MYLK3: variants seen among roughly 807,000 people sequenced by gnomAD.
MYLK3 encodes the protein MLC kinase.
In MYLK3, 55 loss-of-function variants were observed where a neutral mutation model predicts 76.3. The ratio of observed to expected loss-of-function variants is 0.72; its 90% confidence interval spans 0.58 to 0.90. The LOEUF (loss-of-function observed/expected upper bound fraction) is 0.90, where lower values mean the gene tolerates loss of function less well. MYLK3 is among the 40% of genes least tolerant of loss of function. The pLI is 0.00. For synonymous variants in MYLK3, 416 were observed against 425.4 expected (o/e 0.98, Z 0.27); for missense variants, 973 against 1,053.6 (o/e 0.92, Z 1.06).
chr16:46,747,068 G>A (rs1967039088), intron 1 of MYLK3, among the ~76,000 whole-genome samples: 1 of 152,120 alleles, frequency 6.6e-6, no homozygotes, highest in African/African-American at 2.4e-5. Context: ...CCCCAAACAG[G>A]GTGTTCCCTC....
At chr16:46,718,694 G>A (rs1168263759) in intron 9 of MYLK3, among the ~76,000 whole-genome samples, 1 of 152,228 alleles carries the variant, frequency 6.6e-6, no homozygotes, top group East Asian at 1.9e-4. Flanking sequence ...GGCCAGGCGT[G>A]GTGGCTCACG....
At chr16:46,729,344 C>A (rs1966848031) in intron 6 of MYLK3, among the ~76,000 whole-genome samples, 1 of 152,158 alleles carries the variant, frequency 6.6e-6, no homozygotes, top group Non-Finnish European at 1.5e-5. Context: ...ACCTAAGGCC[C>A]AACAAGGACA....
intron 2 of MYLK3, among the ~76,000 whole-genome samples, chr16:46,738,425 AT>A (rs1966884106): frequency 2.6e-5 from 4 of 152,212 alleles, no homozygotes; most frequent in Non-Finnish European, 1.5e-5. Flanking sequence ...TGAGTTGGGC[AT>A]GGTCACATGT....
At chr16:46,758,850 G>A (rs1428312002) in intron 1 of MYLK3, among the ~76,000 whole-genome samples, 6 of 152,142 alleles carry the variant, frequency 3.9e-5, no homozygotes, top group South Asian at 2.1e-4. Context: ...ATATAGGCTC[G>A]GCTCTGACGG....
chr16:46,738,215 T>A, intron 2 of MYLK3, 72 bp from the exon 3 acceptor site: 1 of 1,317,774 alleles, frequency 7.6e-7, no homozygotes, highest in East Asian at 2.5e-5. Flanking sequence ...CTGCAAGGAA[T>A]CTGCACAAGG....
chr16:46,757,773 C>A (rs1967219455), intron 1 of MYLK3, among the ~76,000 whole-genome samples: 1 of 152,182 alleles, frequency 6.6e-6, no homozygotes, highest in Non-Finnish European at 1.5e-5. Context: ...CATCACTTAG[C>A]AAAGTGTCCA....
chr16:46,742,790 T>C (rs1966955067), intron 1 of MYLK3, among the ~76,000 whole-genome samples: 2 of 152,218 alleles, frequency 1.3e-5, no homozygotes, highest in South Asian at 2.1e-4. Flanking sequence ...GCTGTCACCA[T>C]GATCACCAGC....
upstream of MYLK3, among the ~76,000 whole-genome samples, chr16:46,751,301 C>T (rs773394508): frequency 2.6e-5 from 4 of 151,906 alleles, no homozygotes; most frequent in Non-Finnish European, 5.9e-5. Context: ...ATCCCAGTTA[C>T]TCAGGAGGCT....
At chr16:46,735,152 A>C (rs2143015450) in intron 3 of MYLK3, among the ~76,000 whole-genome samples, 1 of 151,590 alleles carries the variant, frequency 6.6e-6, no homozygotes, top group East Asian at 1.9e-4. Flanking sequence ...AAAAAAAAAA[A>C]GGAGGGGGGC....
chr16:46,727,120 G>T, intron 8 of MYLK3, 116 bp downstream of exon 8: 1 of 1,227,750 alleles, frequency 8.1e-7, no homozygotes, highest in Non-Finnish European at 1.1e-6. Context: ...ACTACAAAAT[G>T]ACAGAGAGCC....
At chr16:46,722,576 T>C (rs1036682646) in intron 8 of MYLK3, among the ~76,000 whole-genome samples, 3 of 152,214 alleles carry the variant, frequency 2.0e-5, no homozygotes, top group Non-Finnish European at 2.9e-5. Flanking sequence ...AAAAATATAA[T>C]GTGAGCCACA....
intron 9 of MYLK3, among the ~76,000 whole-genome samples, chr16:46,714,711 AC>A (rs970699350): frequency 3.3e-5 from 5 of 151,328 alleles, no homozygotes; most frequent in African/African-American, 1.2e-4. Context: ...GTAATATATC[AC>A]CCCCACTGAC....
chr16:46,728,926 G>A, intron 7 of MYLK3, 98 bp downstream of exon 7: 2 of 880,844 alleles, frequency 2.3e-6, no homozygotes, highest in Non-Finnish European at 3.7e-6. Context: ...GCCAGGAAGG[G>A]GAAAGGAGAG....
rs181652178 is a variant in MYLK3, at chr16:46,707,975, T to C, written c.2401-212A>G. On this transcript the variant is annotated intron_variant, in intron 12 of 12. Coordinates refer to ENST00000394809, the MANE Select transcript of MYLK3 (RefSeq NM_182493.3). ...AGTAAATATGAAGTGGGAAGATACA[T>C]CATCCTGCCCTCTTTTTTTTCTTTT... 4.3e-4 allele frequency among the ~76,000 whole-genome samples: 65 copies of C among 152,132 alleles called. No homozygotes were observed. The East Asian group carries it at 9.7e-3, about 23-fold the overall frequency.
rs200074276 is a variant in MYLK3 at position 46,732,355 on chromosome 16, C to T, written c.1315G>A (p.Glu439Lys). Residue 439 changes from glutamate (E) to lysine (K), a missense_variant, in exon 4 of 13, where the codon GAG becomes AAG. By Grantham distance (56) the Glu-to-Lys change is moderately conservative. Transcript: ENST00000394809. ...TGCTGCAGGCCCAGGGCCCCAACCTCGTGGTCATTGTCGTCACTCCTGGCC... is the reference window on the plus strand; with the variant it reads ...TGCTGCAGGCCCAGGGCCCCAACCTTGTGGTCATTGTCGTCACTCCTGGCC... Reference protein sequence around the residue: ...SLARSDDNDHEVGALGLQQGK... With the variant: ...SLARSDDNDHKVGALGLQQGK... The T allele has an allele frequency of 8.7e-6, 14 of 1,613,498 alleles. No homozygotes were observed. The East Asian group carries it at 2.7e-4, about 31-fold the overall frequency.
At chr16:46,744,490 C>T (rs925165770) in intron 1 of MYLK3, among the ~76,000 whole-genome samples, 6 of 151,542 alleles carry the variant, frequency 4.0e-5, no homozygotes, top group African/African-American at 4.8e-5. Flanking sequence ...TACAGGTATG[C>T]GCCACCATGC....
At chr16:46,737,220 C>T (rs1029882119) in intron 3 of MYLK3, among the ~76,000 whole-genome samples, 2 of 152,190 alleles carry the variant, frequency 1.3e-5, no homozygotes, top group African/African-American at 4.8e-5. Context: ...GCACTGGGAG[C>T]CTAAGTATTC....
At chr16:46,746,862 G>A (rs545233486) in intron 1 of MYLK3, among the ~76,000 whole-genome samples, 41 of 152,298 alleles carry the variant, frequency 2.7e-4, no homozygotes, top group Admixed American at 2.5e-3. Flanking sequence ...GGAGGGGAAG[G>A]GGCAGCAGGG....
At chr16:46,727,414 G>A (rs1408760051) in intron 7 of MYLK3, 37 bp from the exon 8 acceptor site, 1 of 1,583,154 alleles carries the variant, frequency 6.3e-7, no homozygotes, top group East Asian at 2.3e-5. Context: ...ACCAGCCTAA[G>A]CAAGGCTCTT....
Sources: gnomAD v4.1 joint callset for allele counts (sites outside exome capture counted in the v4.1 genomes callset) on GRCh38, gnomAD v4.1.1 for gene constraint, MANE v1.5 for transcripts, NCBI Gene and HGNC (gene_info 2026-07-23, HGNC 2026-07-21) for gene names.